CNTNAP2: variants seen among roughly 807,000 people sequenced by gnomAD.
The protein encoded by CNTNAP2 is contactin associated protein 2, also known as contactin-associated protein-like 2.
In CNTNAP2, 98 loss-of-function variants were observed where a neutral mutation model predicts 155.2. That is an observed-to-expected ratio of 0.63 (90% CI 0.54 to 0.75). CNTNAP2 has a LOEUF of 0.75. Among genes scored for constraint, CNTNAP2 ranks in the 30% least tolerant of loss-of-function variants. CNTNAP2 has a pLI of 0.00. For missense variants in CNTNAP2, 1,727 were observed against 1,688.1 expected (o/e 1.02, Z -0.40); for synonymous variants, 651 against 631.2 (o/e 1.03, Z -0.47).
chr7:148,373,388 G>A (rs1798925250), intron 21 of CNTNAP2, among the ~76,000 whole-genome samples: 1 of 152,208 alleles, frequency 6.6e-6, no homozygotes, highest in Non-Finnish European at 1.5e-5. Flanking sequence ...CCCAGTAGGT[G>A]GAAGTTGTGG....
At position 146,704,486 on chromosome 7, in the gene CNTNAP2, A is replaced by G. The variant is rs909945501; in HGVS notation, c.98-69785A>G. 3.3e-5 allele frequency among the ~76,000 whole-genome samples: 5 copies of G among 152,178 alleles called. No individual in the cohort carries two copies. In the South Asian group the frequency reaches 1.0e-3, roughly 32 times the overall value. ...ATGAAGCTAATCTAAAGATGGGCCA[A>G]GTGACTCACGCGAAGTCAGGAAATA... On this transcript the variant is annotated intron_variant, in intron 1 of 23. Coordinates refer to ENST00000361727, the MANE Select transcript of CNTNAP2 (RefSeq NM_014141.6).
intron 9 of CNTNAP2, among the ~76,000 whole-genome samples, chr7:147,322,750 A>G (rs1206406285): frequency 1.4e-5 from 2 of 142,784 alleles, no homozygotes; most frequent in African/African-American, 2.7e-5. Context: ...CCACAATTTC[A>G]GCTCCTGTTA....
chr7:147,932,491 G>A (rs989127510), intron 14 of CNTNAP2, among the ~76,000 whole-genome samples: 8 of 152,150 alleles, frequency 5.3e-5, no homozygotes, highest in African/African-American at 1.9e-4. Context: ...TAGTGTTGGG[G>A]CATTGTATAT....
rs1485178405 is a variant in CNTNAP2, at chr7:146,243,959, G to C, written c.97+126986G>C. 7.2e-5 allele frequency among the ~76,000 whole-genome samples: 11 copies of C among 152,234 alleles called. No homozygotes were observed. In the East Asian group the frequency reaches 1.7e-3, roughly 24 times the overall value. ...CTTCGAGCGGGATTAGGGGCGGTGTGGGAACCTAGAGTGGGAGAGATTAAG... is the reference window on the plus strand; with the variant it reads ...CTTCGAGCGGGATTAGGGGCGGTGTCGGAACCTAGAGTGGGAGAGATTAAG... On this transcript the variant is annotated intron_variant, in intron 1 of 23. Transcript: ENST00000361727.
At chr7:147,325,744 C>G (rs1795442919) in intron 9 of CNTNAP2, among the ~76,000 whole-genome samples, 1 of 152,058 alleles carries the variant, frequency 6.6e-6, no homozygotes, top group Admixed American at 6.5e-5. Flanking sequence ...ATAAAAGTTA[C>G]CATTTTAACT....
chr7:147,083,409 C>T (rs1306146156), intron 4 of CNTNAP2, among the ~76,000 whole-genome samples: 4 of 151,542 alleles, frequency 2.6e-5, no homozygotes, highest in Non-Finnish European at 5.9e-5. Context: ...GCAATAATGT[C>T]GCTCACCTCT....
At chr7:147,341,835 T>C (rs1199407583) in intron 9 of CNTNAP2, among the ~76,000 whole-genome samples, 5 of 151,850 alleles carry the variant, frequency 3.3e-5, no homozygotes, top group African/African-American at 9.7e-5. Flanking sequence ...TAAGAAACCA[T>C]TTATTCATCT....
At chr7:147,079,932 A>G (rs956915816) in intron 4 of CNTNAP2, among the ~76,000 whole-genome samples, 4 of 152,060 alleles carry the variant, frequency 2.6e-5, no homozygotes, top group African/African-American at 7.2e-5. Flanking sequence ...GAGACTCAGA[A>G]AAGTGCTCTT....
chr7:146,652,935 C>A (rs1035787123), intron 1 of CNTNAP2, among the ~76,000 whole-genome samples: 1 of 152,130 alleles, frequency 6.6e-6, no homozygotes, highest in Non-Finnish European at 1.5e-5. Context: ...ACTGTGGAGT[C>A]TTTCTGGAAC....
intron 1 of CNTNAP2, among the ~76,000 whole-genome samples, chr7:146,550,235 C>T (rs1183967317): frequency 1.3e-5 from 2 of 151,682 alleles, no homozygotes; most frequent in Non-Finnish European, 2.9e-5. Flanking sequence ...TAAGGGTCAC[C>T]GATCTGCAAC....
intron 2 of CNTNAP2, among the ~76,000 whole-genome samples, chr7:146,829,077 C>A (rs959820675): frequency 1.1e-4 from 17 of 151,958 alleles, no homozygotes; most frequent in Non-Finnish European, 1.5e-4. Context: ...ATTTTAAAAA[C>A]AAATTAACAT....
At chr7:147,957,175 A>G (rs1801030168) in intron 14 of CNTNAP2, among the ~76,000 whole-genome samples, 1 of 152,214 alleles carries the variant, frequency 6.6e-6, no homozygotes, top group Admixed American at 6.5e-5. Flanking sequence ...AGTAGGATTG[A>G]CAGGAACTAA....
At chr7:146,190,198 T>C (rs1584794491) in intron 1 of CNTNAP2, among the ~76,000 whole-genome samples, 1 of 152,358 alleles carries the variant, frequency 6.6e-6, no homozygotes. Flanking sequence ...TCATTTCTAC[T>C]GCCTTTTATA....
chr7:147,873,817 G>A (rs1003237992), intron 13 of CNTNAP2, among the ~76,000 whole-genome samples: 1 of 152,084 alleles, frequency 6.6e-6, no homozygotes, highest in African/African-American at 2.4e-5. Flanking sequence ...AAAATCAAAA[G>A]CAAGTTAGTT....
At chr7:146,461,750 A>G (rs567283590) in intron 1 of CNTNAP2, among the ~76,000 whole-genome samples, 1 of 152,300 alleles carries the variant, frequency 6.6e-6, no homozygotes, top group Admixed American at 6.5e-5. Context: ...ATTTAAGTGT[A>G]TTTGGGATAG....
Position 148,111,631 on chromosome 7 carries a change from A to G in CNTNAP2, c.2384-6487A>G, listed in dbSNP as rs1804355075. On this transcript the variant is annotated intron_variant, in intron 15 of 23. Coordinates refer to ENST00000361727, the MANE Select transcript of CNTNAP2 (RefSeq NM_014141.6). Reference sequence around the variant, plus strand: ...CTCATATGGGAGAAAAATCTATATCAAGGCAATCATGAAGTTCCAATTAAA... The same window carrying G: ...CTCATATGGGAGAAAAATCTATATCGAGGCAATCATGAAGTTCCAATTAAA... Among the ~76,000 whole-genome samples the G allele has an allele frequency of 2.6e-5, 4 of 152,176 alleles. 1 individual carries two copies. The South Asian group carries it at 8.3e-4, about 31-fold the overall frequency.
chr7:146,929,645 T>A (rs994216577), intron 3 of CNTNAP2, among the ~76,000 whole-genome samples: 1 of 152,144 alleles, frequency 6.6e-6, no homozygotes, highest in Admixed American at 6.5e-5. Context: ...TACTCCGAGC[T>A]ACAGGAGGAA....
intron 8 of CNTNAP2, among the ~76,000 whole-genome samples, chr7:147,239,334 C>T (rs762820091): frequency 1.1e-4 from 16 of 151,716 alleles, no homozygotes; most frequent in Non-Finnish European, 2.2e-4. Context: ...GGTGAAATCC[C>T]GTCTCTACTA....
At chr7:147,016,625 TG>T (rs982803837) in intron 3 of CNTNAP2, among the ~76,000 whole-genome samples, 2 of 152,110 alleles carry the variant, frequency 1.3e-5, no homozygotes, top group African/African-American at 4.8e-5. Flanking sequence ...TTTGCCAAAG[TG>T]CCTAAAAATT....
Sources: gnomAD v4.1 joint callset for allele counts (sites outside exome capture counted in the v4.1 genomes callset) on GRCh38, gnomAD v4.1.1 for gene constraint, MANE v1.5 for transcripts, NCBI Gene and HGNC (gene_info 2026-07-23, HGNC 2026-07-21) for gene names.